Variants in ZFHX3 observed in about 807,000 individuals in gnomAD.
ZFHX3 encodes the protein zinc finger homeobox protein 3.
Under a neutral mutation model 279.1 loss-of-function variants are expected in ZFHX3, and 42 were observed. The observed-to-expected ratio is 0.15, with a 90% CI of 0.12 to 0.19. The LOEUF (loss-of-function observed/expected upper bound fraction) is 0.19, where lower values mean the gene tolerates loss of function less well. Ranked by LOEUF, ZFHX3 falls within the 10% of genes least tolerant of loss-of-function variation. ZFHX3 has a pLI of 1.00. For synonymous variants in ZFHX3, 2,293 were observed against 1,957.8 expected, an observed-to-expected ratio of 1.17 and a Z score of -4.52; for missense variants, 4,981 against 4,754.0, an observed-to-expected ratio of 1.05 and a Z score of -1.40.
intron 3 of ZFHX3, among the ~76,000 whole-genome samples, chr16:73,417,303 G>A (rs1297716412): frequency 6.6e-6 from 1 of 151,852 alleles, no homozygotes; most frequent in Non-Finnish European, 1.5e-5. Context: ...CAAGAAACAG[G>A]ACGTGAGTGA....
intron 1 of ZFHX3, among the ~76,000 whole-genome samples, chr16:73,689,014 C>A (rs2053120318): frequency 6.6e-6 from 1 of 152,254 alleles, no homozygotes; most frequent in South Asian, 2.1e-4. Context: ...TTGGGTATGT[C>A]TTTATCAGCA....
At position 73,288,868 on chromosome 16, in the gene ZFHX3, C is replaced by T. The variant is rs144117412; in HGVS notation, c.-1194+29372G>A. Reference sequence around the variant, plus strand: ...CAGAAATGTCAATGCGGGGTCTAAGCCACCAATCGGAGAGCGGCTCCGCGA... The same window carrying T: ...CAGAAATGTCAATGCGGGGTCTAAGTCACCAATCGGAGAGCGGCTCCGCGA... On this transcript the variant is annotated intron_variant, in intron 4 of 17. Transcript: ENST00000641206. Among the ~76,000 whole-genome samples, 620 of 151,618 alleles carry T rather than the reference C, an allele frequency of 4.1e-3. 5 individuals are homozygous for T. Among genetic ancestry groups the T allele is most frequent in the Non-Finnish European group, 7.2e-3 (487 of 67,928 alleles).
intron 3 of ZFHX3, among the ~76,000 whole-genome samples, chr16:73,433,353 A>C (rs995317355): frequency 2.6e-5 from 4 of 152,232 alleles, no homozygotes; most frequent in Non-Finnish European, 5.9e-5. Flanking sequence ...ATATGCACGC[A>C]GCCTGTACAC....
chr16:73,345,298 C>T (rs1038669033), intron 3 of ZFHX3, among the ~76,000 whole-genome samples: 3 of 151,920 alleles, frequency 2.0e-5, no homozygotes, highest in Admixed American at 2.0e-4. Context: ...CATAGGTAAA[C>T]GTGTGTCATG....
intron 1 of ZFHX3, among the ~76,000 whole-genome samples, chr16:72,991,698 TCAGAGAAG>T (rs1963101827): frequency 1.3e-5 from 2 of 152,346 alleles, no homozygotes; most frequent in Admixed American, 1.3e-4. Flanking sequence ...CTTTTGAGGC[TCAGAGAAG>T]CAGAGAGACT....
At chr16:73,722,228 A>C (rs1322526648) in intron 1 of ZFHX3, among the ~76,000 whole-genome samples, 2 of 152,188 alleles carry the variant, frequency 1.3e-5, no homozygotes, top group African/African-American at 4.8e-5. Context: ...ATAAGTAGGC[A>C]CTTCTGTTCT....
chr16:73,572,210 A>G (rs1004021158), intron 2 of ZFHX3, among the ~76,000 whole-genome samples: 1 of 151,764 alleles, frequency 6.6e-6, no homozygotes, highest in Non-Finnish European at 1.5e-5. Flanking sequence ...GGCAGCTCAG[A>G]GAATCAAACT....
intron 1 of ZFHX3, among the ~76,000 whole-genome samples, chr16:73,728,581 T>C (rs1341397602): frequency 6.6e-6 from 1 of 152,132 alleles, no homozygotes; most frequent in Non-Finnish European, 1.5e-5. Flanking sequence ...ATAACTCTTG[T>C]GAGTTACTGG....
At chr16:73,041,555 A>G (rs546352824) in intron 1 of ZFHX3, among the ~76,000 whole-genome samples, 5 of 152,126 alleles carry the variant, frequency 3.3e-5, no homozygotes, top group Non-Finnish European at 5.9e-5. Flanking sequence ...ACAGACTGAA[A>G]GTCTTCATCA....
intron 3 of ZFHX3, among the ~76,000 whole-genome samples, chr16:73,388,486 T>C (rs2016945288): frequency 1.3e-5 from 2 of 152,188 alleles, no homozygotes; most frequent in African/African-American, 4.8e-5. Flanking sequence ...TCCTAGTCCC[T>C]GCACTAGCCG....
intron 1 of ZFHX3, among the ~76,000 whole-genome samples, chr16:73,722,047 A>ACAAAG (rs1406837677): frequency 6.6e-6 from 1 of 152,208 alleles, no homozygotes; most frequent in African/African-American, 2.4e-5. Flanking sequence ...CCTGTCTCAA[A>ACAAAG]CAAAGCAAAA....
At chr16:73,379,945 A>C (rs2016791434) in intron 3 of ZFHX3, among the ~76,000 whole-genome samples, 1 of 152,210 alleles carries the variant, frequency 6.6e-6, no homozygotes, top group Non-Finnish European at 1.5e-5. Context: ...GACTAAAAGC[A>C]CAGTAACTGT....
At chr16:73,528,507 C>A (rs2019734144) in intron 2 of ZFHX3, among the ~76,000 whole-genome samples, 1 of 152,120 alleles carries the variant, frequency 6.6e-6, no homozygotes, top group Non-Finnish European at 1.5e-5. Flanking sequence ...TTTACAATCC[C>A]AGCAGGGAAA....
upstream of ZFHX3, among the ~76,000 whole-genome samples, chr16:73,052,937 GGA>G (rs1353573811): frequency 7.2e-5 from 11 of 152,278 alleles, no homozygotes; most frequent in South Asian, 1.9e-3. Flanking sequence ...ACGGAAGGGG[GGA>G]GAGGTGACAG....
intron 5 of ZFHX3, among the ~76,000 whole-genome samples, chr16:73,202,238 G>A (rs1244618728): frequency 6.6e-6 from 1 of 152,136 alleles, no homozygotes; most frequent in Non-Finnish European, 1.5e-5. Flanking sequence ...ATATTTCTGA[G>A]CCCTTGAAAC....
intron 3 of ZFHX3, among the ~76,000 whole-genome samples, chr16:72,931,404 T>TACACACAC (rs59696404): frequency 0.019 from 2,236 of 120,074 alleles, 42 homozygotes; most frequent in Non-Finnish European, 0.027. Context: ...TTTATTTCAT[T>TACACACAC]ACACACACAC....
chr16:73,031,313 C>T (rs1304870207), intron 1 of ZFHX3, among the ~76,000 whole-genome samples: 1 of 152,138 alleles, frequency 6.6e-6, no homozygotes, highest in African/African-American at 2.4e-5. Context: ...CTTCACCAAA[C>T]CCAAATGTTC....
At chr16:73,777,791 G>A (rs1349751357) in intron 1 of ZFHX3, among the ~76,000 whole-genome samples, 2 of 152,176 alleles carry the variant, frequency 1.3e-5, no homozygotes, top group Non-Finnish European at 2.9e-5. Context: ...TAAGGAAAGT[G>A]AGGCTCAGGC....
At chr16:73,766,820 T>A (rs1028767910) in intron 1 of ZFHX3, among the ~76,000 whole-genome samples, 3 of 152,106 alleles carry the variant, frequency 2.0e-5, no homozygotes, top group African/African-American at 4.8e-5. Context: ...TGGAAAATGA[T>A]CTGATCTGAG....
Sources: allele counts gnomAD v4.1 joint callset (sites outside exome capture counted in the v4.1 genomes callset), GRCh38; gene constraint gnomAD v4.1.1; transcripts MANE v1.5; gene names NCBI Gene and HGNC (gene_info 2026-07-23, HGNC 2026-07-21).